AGAP1: variants seen among roughly 807,000 people sequenced by gnomAD.
AGAP1 encodes arf-GAP with GTPase, ANK repeat and PH domain-containing protein 1.
A neutral mutation model predicts 105.3 loss-of-function variants in AGAP1; 29 were observed. The observed-to-expected ratio is 0.28, with a 90% CI of 0.21 to 0.38. The LOEUF is 0.38. Ranked by LOEUF, AGAP1 falls within the 10% of genes least tolerant of loss-of-function variation. AGAP1 has a pLI of 1.00. For synonymous variants in AGAP1, 509 were observed against 485.9 expected, an observed-to-expected ratio of 1.05 and a Z score of -0.63; for missense variants, 998 against 1,165.1, an observed-to-expected ratio of 0.86 and a Z score of 2.09.
rs193245715 is a variant in AGAP1 at position 236,068,792 on chromosome 2, C to T, written c.2114+19511C>T. ...TCCAGCCTGGGCGACAGCGAGACTC[C>T]GTCTCAAAAAAAAAAAAAAAAAAAA... On this transcript the variant is annotated intron_variant, in intron 16 of 17. Coordinates refer to ENST00000304032, the MANE Select transcript of AGAP1 (RefSeq NM_001037131.3). 6.3e-4 allele frequency among the ~76,000 whole-genome samples: 74 copies of T among 116,690 alleles called. 1 individual carries two copies. Among genetic ancestry groups the T allele is most frequent in the African/African-American group, 2.2e-3 (64 of 28,578 alleles). 76.6% of individuals were successfully genotyped at this position (116,690 alleles called of 152,430 possible). A position where few individuals can be genotyped will look rare whatever the true frequency, so the allele number is the denominator to read the frequency against.
chr2:235,794,130 C>T (rs1471490303), intron 6 of AGAP1, among the ~76,000 whole-genome samples: 1 of 152,158 alleles, frequency 6.6e-6, no homozygotes, highest in Non-Finnish European at 1.5e-5. Flanking sequence ...CCTTCTGACC[C>T]CATGGTGAGG....
rs1417612287 is a variant in AGAP1 at position 235,976,616 on chromosome 2, A to G, written c.1645+7993A>G. Among the ~76,000 whole-genome samples, 1 of 152,208 alleles carries G rather than the reference A, an allele frequency of 6.6e-6. No homozygotes were observed. Among genetic ancestry groups the G allele is most frequent in the African/African-American group, 2.4e-5 (1 of 41,450 alleles). The stretch of plus-strand genomic sequence containing the variant: ...GTCCAAAAATGTTCATTGAGCACCT[A>G]CTGCACGCAAGAGTTTTGTCTGATG... On this transcript the variant is annotated intron_variant, in intron 13 of 17. Coordinates refer to ENST00000304032, the MANE Select transcript of AGAP1 (RefSeq NM_001037131.3). The surrounding 1 kb of genome is among the most constrained non-coding windows in gnomAD (Gnocchi z 4.5).
rs2054661371 is a variant in AGAP1 at position 235,971,822 on chromosome 2, A to G, written c.1645+3199A>G. 6.6e-6 allele frequency among the ~76,000 whole-genome samples: 1 copy of G among 150,532 alleles called. No homozygotes were observed. The highest frequency in any genetic ancestry group is 1.5e-5 in the Non-Finnish European group (1 of 67,746). ...GAGACAGGTCCTCGCTCTGTCACCC[A>G]GGCTGGGGTGTAGTGGTGCAGTCAC... is the stretch of plus-strand genomic sequence containing the variant. On this transcript the variant is annotated intron_variant, in intron 13 of 17. Transcript: ENST00000304032. This position sits in a 1 kb window ranked among gnomAD's most constrained non-coding sequence, Gnocchi z 4.8.
chr2:235,958,106 G>C lies in AGAP1; in HGVS notation c.1484-10356G>C, dbSNP rs1243250738. Among the ~76,000 whole-genome samples the C allele has an allele frequency of 6.6e-6, 1 of 151,962 alleles. No individual in the cohort carries two copies. Among genetic ancestry groups the C allele is most frequent in the Non-Finnish European group, 1.5e-5 (1 of 67,984 alleles). ...ATGCTTCTTATGAACATGTTTTAAA[G>C]CATTTTGTATCTTTAATCAACATGT... On this transcript the variant is annotated intron_variant, in intron 12 of 17. Transcript: ENST00000304032. This position sits in a 1 kb window ranked among gnomAD's most constrained non-coding sequence, Gnocchi z 4.1.
rs1386859409 is a variant in AGAP1, at chr2:236,040,506, T to G, written c.1801-245T>G. 4 of 532,578 alleles carry G rather than the reference T, an allele frequency of 7.5e-6. No individual in the cohort carries two copies. Among genetic ancestry groups the G allele is most frequent in the Non-Finnish European group, 1.0e-5 (3 of 296,396 alleles). The allele number at this position is 532,578 out of a possible 1,614,324, so 33.0% of individuals were successfully genotyped here. A position where few individuals can be genotyped will look rare whatever the true frequency, so the allele number is the denominator to read the frequency against. On this transcript the variant is annotated intron_variant, in intron 14 of 17. Coordinates refer to ENST00000304032, the MANE Select transcript of AGAP1 (RefSeq NM_001037131.3). This position sits in a 1 kb window ranked among gnomAD's most constrained non-coding sequence, Gnocchi z 5.6. ...CAGAACTCTCCTCTTTGCTCATTTCTGGCAGAGTCCGTCTCAGCTGATGAG... is the reference window on the plus strand; with the variant it reads ...CAGAACTCTCCTCTTTGCTCATTTCGGGCAGAGTCCGTCTCAGCTGATGAG...
intron 1 of AGAP1, chr2:235,507,415 C>T (rs1053170093): frequency 4.6e-5 from 7 of 152,284 alleles, no homozygotes; most frequent in African/African-American, 1.2e-4. Context: ...CAGCAGCAGC[C>T]GGTGCGGTTT....
In AGAP1 at chr2:235,609,951, T is replaced by C. The variant is rs1254274665; in HGVS notation, c.164-99228T>C. Among the ~76,000 whole-genome samples, 5 of 152,128 alleles carry C rather than the reference T, an allele frequency of 3.3e-5. No individual in the cohort carries two copies. Among genetic ancestry groups the C allele is most frequent in the African/African-American group, 7.2e-5 (3 of 41,442 alleles). On this transcript the variant is annotated intron_variant, in intron 1 of 17. Transcript: ENST00000304032. The surrounding 1 kb of genome is among the most constrained non-coding windows in gnomAD (Gnocchi z 5.1). Reference sequence around the variant, plus strand: ...GAGTGAGTGGCCAACCACCTGAGAATACCTGGTGTTTCCTTCCTCAGGGAC... The same window carrying C: ...GAGTGAGTGGCCAACCACCTGAGAACACCTGGTGTTTCCTTCCTCAGGGAC...
rs1291139487 is a variant in AGAP1 at position 235,721,493 on chromosome 2, G to GTA, written c.310+3850_310+3851insAT. On this transcript the variant is annotated intron_variant, in intron 3 of 17. Coordinates refer to ENST00000304032, the MANE Select transcript of AGAP1 (RefSeq NM_001037131.3). The surrounding 1 kb of genome is among the most constrained non-coding windows in gnomAD (Gnocchi z 4.5). ...CTTAATATTATGTGTGTGTGTGTGTGTGTGTGTGTGTACACCTAGGTGTGT... is the reference window on the plus strand; with the variant it reads ...CTTAATATTATGTGTGTGTGTGTGTGTATGTGTGTGTGTACACCTAGGTGTGT... 2.0e-5 allele frequency among the ~76,000 whole-genome samples: 3 copies of GTA among 152,062 alleles called. No homozygotes were observed. The highest frequency in any genetic ancestry group is 2.0e-4 in the Admixed American group (3 of 15,278).
rs1324426071 is a variant in AGAP1 at position 235,979,514 on chromosome 2, A to T, written c.1645+10891A>T. On this transcript the variant is annotated intron_variant, in intron 13 of 17. Transcript: ENST00000304032. This position sits in a 1 kb window ranked among gnomAD's most constrained non-coding sequence, Gnocchi z 4.5. ...TGTGTTTATTTAGTAATCTTTGCTA[A>T]TACCCTCCTGGCTTTCCACTCCACC... Among the ~76,000 whole-genome samples the T allele has an allele frequency of 1.3e-5, 2 of 152,208 alleles. No individual in the cohort carries two copies. The highest frequency in any genetic ancestry group is 2.1e-4 in the South Asian group (1 of 4,832).
intron 16 of AGAP1, among the ~76,000 whole-genome samples, chr2:236,099,386 A>C (rs1405286577): frequency 2.0e-5 from 3 of 151,106 alleles, no homozygotes; most frequent in East Asian, 2.0e-4. Context: ...ACCCAGGAGG[A>C]GGAGGTTGCG....
At chr2:235,869,696 C>CT (rs2049347703) in intron 9 of AGAP1, among the ~76,000 whole-genome samples, 1 of 152,204 alleles carries the variant, frequency 6.6e-6, no homozygotes, top group Admixed American at 6.5e-5. Flanking sequence ...GTCCATGCTC[C>CT]ACAAGATACT....
At chr2:235,884,268 C>T (rs936057276) in intron 10 of AGAP1, among the ~76,000 whole-genome samples, 5 of 151,984 alleles carry the variant, frequency 3.3e-5, no homozygotes, top group African/African-American at 7.3e-5. Context: ...CCATGGTGGT[C>T]GAGTCCCTTA....
rs756051545 is a variant in AGAP1 at position 236,053,459 on chromosome 2, G to A, written c.2114+4178G>A. ...TCCCTCGCGGTACAGCAGTGTTTCC[G>A]GGGCTGCACGGCAGCGCCCTGGCCC... On this transcript the variant is annotated intron_variant, in intron 16 of 17. Coordinates refer to ENST00000304032, the MANE Select transcript of AGAP1 (RefSeq NM_001037131.3). The surrounding 1 kb of genome is among the most constrained non-coding windows in gnomAD (Gnocchi z 4.6). Among the ~76,000 whole-genome samples the A allele has an allele frequency of 5.9e-5, 9 of 152,200 alleles. No homozygotes were observed. The highest frequency in any genetic ancestry group is 1.0e-4 in the Non-Finnish European group (7 of 68,042).
chr2:235,674,180 TC>T (rs1336807096), intron 1 of AGAP1, among the ~76,000 whole-genome samples: 1 of 152,206 alleles, frequency 6.6e-6, no homozygotes, highest in Non-Finnish European at 1.5e-5. Context: ...AACAGTTGCC[TC>T]GGTGAGTTCA....
chr2:235,922,405 A>G (rs189807657), intron 11 of AGAP1, among the ~76,000 whole-genome samples: 112 of 152,356 alleles, frequency 7.4e-4, no homozygotes, highest in African/African-American at 2.6e-3. Flanking sequence ...TCCTATCGCC[A>G]TCACCAAGAG....
In AGAP1 at chr2:235,603,421, G is replaced by A. The variant is rs191754058; in HGVS notation, c.164-105758G>A. On this transcript the variant is annotated intron_variant, in intron 1 of 17. Transcript: ENST00000304032. Reference sequence around the variant, plus strand: ...TGTTTTCTTGTCTGTGCACCACTGCGGAACTGTGAGCTCCCAGAGTGCACA... The same window carrying A: ...TGTTTTCTTGTCTGTGCACCACTGCAGAACTGTGAGCTCCCAGAGTGCACA... Among the ~76,000 whole-genome samples, 107 of 152,258 alleles carry A rather than the reference G, an allele frequency of 7.0e-4. 1 individual carries two copies. Among genetic ancestry groups the A allele is most frequent in the African/African-American group, 1.9e-3 (80 of 41,550 alleles).
intron 12 of AGAP1, among the ~76,000 whole-genome samples, chr2:235,966,325 A>G (rs1323809725): frequency 6.8e-6 from 1 of 147,582 alleles, no homozygotes; most frequent in East Asian, 2.1e-4. Flanking sequence ...TCCTCTGGGG[A>G]TGGAGAGAGG....
chr2:235,782,750 C>T (rs1360593470), intron 6 of AGAP1, among the ~76,000 whole-genome samples: 1 of 152,120 alleles, frequency 6.6e-6, no homozygotes, highest in Non-Finnish European at 1.5e-5. Context: ...AATAGGAGTC[C>T]CAGTCACCTA....
intron 16 of AGAP1, among the ~76,000 whole-genome samples, chr2:236,088,610 A>G (rs2058987032): frequency 6.6e-6 from 1 of 152,228 alleles, no homozygotes; most frequent in African/African-American, 2.4e-5. Flanking sequence ...TTACTGATGC[A>G]TTTTGTATTC....
Sources: gnomAD v4.1 joint callset for allele counts (sites outside exome capture counted in the v4.1 genomes callset) on GRCh38, gnomAD v4.1.1 for gene constraint, Gnocchi (gnomAD v3.1) non-coding constraint, MANE v1.5 for transcripts, NCBI Gene and HGNC (gene_info 2026-07-23, HGNC 2026-07-21) for gene names.